NTM: variants seen among roughly 807,000 people sequenced by gnomAD.
NTM encodes the protein neurotrimin.
NTM carries 13 observed loss-of-function variants against 42.1 expected under a neutral mutation model. That is an observed-to-expected ratio of 0.31 (90% CI 0.20 to 0.49). The LOEUF (loss-of-function observed/expected upper bound fraction) is 0.49. Ranked by LOEUF, NTM falls within the 20% of genes least tolerant of loss-of-function variation. NTM has a pLI of 0.99. For synonymous variants in NTM, 187 were observed against 179.2 expected (o/e 1.04, Z -0.35); for missense variants, 373 against 452.8 (o/e 0.82, Z 1.60).
chr11:131,978,475 A>T (rs551404423), intron 2 of NTM, among the ~76,000 whole-genome samples: 23 of 152,290 alleles, frequency 1.5e-4, no homozygotes, highest in African/African-American at 5.3e-4. Context: ...TCAGAAGAAA[A>T]AAAACAGTAG....
At chr11:131,706,406 A>G (rs1439767974) in intron 1 of NTM, among the ~76,000 whole-genome samples, 1 of 152,082 alleles carries the variant, frequency 6.6e-6, no homozygotes, top group African/African-American at 2.4e-5. Flanking sequence ...TACCTCATTT[A>G]CAATAATGTA....
intron 1 of NTM, among the ~76,000 whole-genome samples, chr11:131,754,977 T>G (rs1206915993): frequency 6.6e-6 from 1 of 152,110 alleles, no homozygotes; most frequent in Admixed American, 6.6e-5. Context: ...TTTATGAAAT[T>G]CTAGGAAAGG....
intron 4 of NTM, among the ~76,000 whole-genome samples, chr11:132,256,304 T>A (rs1334492606): frequency 1.3e-5 from 2 of 152,210 alleles, no homozygotes; most frequent in African/African-American, 4.8e-5. Context: ...GTCATGACCA[T>A]AGCATCTGAA....
At chr11:132,137,155 A>G (rs1382439397) in intron 2 of NTM, among the ~76,000 whole-genome samples, 1 of 152,254 alleles carries the variant, frequency 6.6e-6, no homozygotes, top group Non-Finnish European at 1.5e-5. Flanking sequence ...GACAACTGCC[A>G]GGCTGGCCTA....
At chr11:131,725,098 G>T (rs1346574466) in intron 1 of NTM, among the ~76,000 whole-genome samples, 2 of 152,162 alleles carry the variant, frequency 1.3e-5, no homozygotes, top group Non-Finnish European at 2.9e-5. Flanking sequence ...AGACGTCAAA[G>T]ATGGGGGATG....
At chr11:131,764,872 C>G (rs1211902748) in intron 1 of NTM, among the ~76,000 whole-genome samples, 1 of 152,146 alleles carries the variant, frequency 6.6e-6, no homozygotes, top group Admixed American at 6.5e-5. Flanking sequence ...GAGCTAACCT[C>G]TAACACAATG....
intron 1 of NTM, among the ~76,000 whole-genome samples, chr11:131,735,835 G>GGGGGGTGTGTGT (rs1491265028): frequency 1.6e-5 from 2 of 121,298 alleles, no homozygotes; most frequent in African/African-American, 5.3e-5. Flanking sequence ...CCATTCATAA[G>GGGGGGTGTGTGT]GTGTGTGTGT....
At chr11:131,857,771 T>C (rs1471783782) in intron 1 of NTM, among the ~76,000 whole-genome samples, 1 of 152,170 alleles carries the variant, frequency 6.6e-6, no homozygotes, top group Non-Finnish European at 1.5e-5. Context: ...TCTATGTTAT[T>C]GTCTCCTAAC....
chr11:131,750,254 A>C (rs2082319898), intron 1 of NTM, among the ~76,000 whole-genome samples: 1 of 152,160 alleles, frequency 6.6e-6, no homozygotes, highest in Non-Finnish European at 1.5e-5. Flanking sequence ...CAGGATCTAC[A>C]CATCTGTGTG....
At chr11:132,321,992 A>T (rs1410730514) in intron 7 of NTM, among the ~76,000 whole-genome samples, 1 of 151,644 alleles carries the variant, frequency 6.6e-6, no homozygotes, top group Admixed American at 6.6e-5. Flanking sequence ...AGATTTTGTC[A>T]CCACCAGGCC....
At chr11:131,791,100 A>G (rs747565673) in intron 1 of NTM, among the ~76,000 whole-genome samples, 2 of 152,108 alleles carry the variant, frequency 1.3e-5, no homozygotes, top group Non-Finnish European at 2.9e-5. Context: ...TTGGCAAAAA[A>G]CAACAACAAA....
intron 2 of NTM, among the ~76,000 whole-genome samples, chr11:132,039,533 T>C (rs2076928878): frequency 6.6e-6 from 1 of 152,002 alleles, no homozygotes; most frequent in South Asian, 2.1e-4. Flanking sequence ...GTCTGGATTC[T>C]TTTGCTTTCA....
At chr11:131,411,221 G>A (rs758827615) in intron 1 of NTM, among the ~76,000 whole-genome samples, 2 of 152,158 alleles carry the variant, frequency 1.3e-5, no homozygotes, top group Non-Finnish European at 2.9e-5. Context: ...AAGTCCATGT[G>A]CATCACTTAT....
At chr11:131,970,209 GAAT>G (rs2134669599) in intron 2 of NTM, among the ~76,000 whole-genome samples, 2 of 152,326 alleles carry the variant, frequency 1.3e-5, no homozygotes, top group African/African-American at 4.8e-5. Context: ...TCCAGGTCAA[GAAT>G]AATGGTGTTA....
At chr11:131,421,519 C>T (rs936823782) in intron 1 of NTM, among the ~76,000 whole-genome samples, 7 of 152,122 alleles carry the variant, frequency 4.6e-5, no homozygotes, top group Non-Finnish European at 7.4e-5. Context: ...GAAAGGCATC[C>T]AGGAACAGGG....
At chr11:131,698,124 G>C (rs182532924) in intron 1 of NTM, among the ~76,000 whole-genome samples, 44 of 152,168 alleles carry the variant, frequency 2.9e-4, no homozygotes, top group African/African-American at 1.0e-3. Flanking sequence ...TGTTAATATT[G>C]GGATCTTTTT....
intron 1 of NTM, among the ~76,000 whole-genome samples, chr11:131,649,711 C>T (rs1445897662): frequency 6.6e-6 from 1 of 152,172 alleles, no homozygotes; most frequent in Non-Finnish European, 1.5e-5. Context: ...TCTAGGTTCT[C>T]AGCCAATACA....
chr11:131,717,779 C>A (rs1169161317), intron 1 of NTM, among the ~76,000 whole-genome samples: 2 of 152,110 alleles, frequency 1.3e-5, no homozygotes, highest in African/African-American at 4.8e-5. Flanking sequence ...AATGGAGATT[C>A]TTGTCTTGTT....
chr11:131,941,825 T>C (rs931433968), intron 2 of NTM, among the ~76,000 whole-genome samples: 1 of 152,200 alleles, frequency 6.6e-6, no homozygotes, highest in Non-Finnish European at 1.5e-5. Context: ...AATTCTTCTG[T>C]TTCCACTCTA....
Sources: allele counts gnomAD v4.1 joint callset (sites outside exome capture counted in the v4.1 genomes callset), GRCh38; gene constraint gnomAD v4.1.1; transcripts MANE v1.5; gene names NCBI Gene and HGNC (gene_info 2026-07-23, HGNC 2026-07-21).